The following CHD8 variants were observed in gnomAD, a reference collection of about 807,000 sequenced individuals.
CHD8 encodes the protein ATP-dependent chromatin remodeler CHD8.
A neutral mutation model predicts 279.2 loss-of-function variants in CHD8; 31 were observed. That is an observed-to-expected ratio of 0.11 (90% CI 0.08 to 0.15). CHD8 has a LOEUF of 0.15. Ranked by LOEUF, CHD8 falls within the 10% of genes least tolerant of loss-of-function variation. CHD8 has a pLI of 1.00. For synonymous variants in CHD8, 1,081 were observed against 1,139.6 expected, an observed-to-expected ratio of 0.95 and a Z score of 1.04; for missense variants, 2,146 against 3,230.5, an observed-to-expected ratio of 0.66 and a Z score of 8.14.
At position 21,402,148 on chromosome 14, in the gene CHD8, A is replaced by C; in HGVS notation, c.3883-12T>G. ...GAGAACTGTTGGATCTGTAAAAACCAATAGAAAGATGAAAAGACTATCAAG... is the reference window on the plus strand; with the variant it reads ...GAGAACTGTTGGATCTGTAAAAACCCATAGAAAGATGAAAAGACTATCAAG... On this transcript the variant is annotated splice_polypyrimidine_tract_variant and intron_variant, in intron 19 of 37. Coordinates refer to ENST00000646647, the MANE Select transcript of CHD8 (RefSeq NM_001170629.2). This position sits in a 1 kb window ranked among gnomAD's most constrained non-coding sequence, Gnocchi z 4.5. 6.3e-7 allele frequency: 1 copy of C among 1,582,170 alleles called. No individual in the cohort carries two copies. Among genetic ancestry groups the C allele is most frequent in the Non-Finnish European group, 8.6e-7 (1 of 1,166,612 alleles).
At chr14:21,398,926 T>A in intron 26 of CHD8, 1 of 352,700 alleles carries the variant, frequency 2.8e-6, no homozygotes, top group Non-Finnish European at 5.7e-6. Flanking sequence ...GACATAGAGA[T>A]GCAGATCTCT....
chr14:21,437,438 G>T, intron 1 of CHD8: 1 of 199,882 alleles, frequency 5.0e-6, no homozygotes, highest in Non-Finnish European at 9.8e-6. Flanking sequence ...CCGGTTTCTA[G>T]GGCCGAGGCG....
chr14:21,427,858 G>C lies in CHD8; in HGVS notation c.1601+11C>G, dbSNP rs1270011746. ...CTTGCACGTCCCATCACAGTAGCAA[G>C]GAGTACTCACTTGAGCTTGCTCTTG... is the stretch of plus-strand genomic sequence containing the variant. On this transcript the variant is annotated intron_variant, in intron 4 of 37. Coordinates refer to ENST00000646647, the MANE Select transcript of CHD8 (RefSeq NM_001170629.2). The C allele has an allele frequency of 5.6e-6, 9 of 1,612,714 alleles. No individual in the cohort carries two copies. Among genetic ancestry groups the C allele is most frequent in the Non-Finnish European group, 7.6e-6 (9 of 1,179,284 alleles).
chr14:21,404,920 C>CG, intron 16 of CHD8: 1 of 316,462 alleles, frequency 3.2e-6, no homozygotes, highest in Non-Finnish European at 5.8e-6. Flanking sequence ...CAACCTCTGC[C>CG]TTCTGGGTTC....
rs1434295327 is a variant in CHD8 at position 21,397,811 on chromosome 14, A to G, written c.5051+12T>C. 1.2e-6 allele frequency: 2 copies of G among 1,612,662 alleles called. No homozygotes were observed. Among genetic ancestry groups the G allele is most frequent in the Non-Finnish European group, 1.7e-6 (2 of 1,179,108 alleles). On this transcript the variant is annotated intron_variant, in intron 27 of 37. Transcript: ENST00000646647. ...AAGTTAGAGTTTTAAAAGAACAAAT[A>G]CTAATGCTTACCCTTCTACTATGTC...
In CHD8 at chr14:21,415,568, CCT is replaced by C; in HGVS notation, c.1968+4_1968+5del. On this transcript the variant is annotated splice_donor_5th_base_variant and intron_variant, in intron 7 of 37. Coordinates refer to ENST00000646647, the MANE Select transcript of CHD8 (RefSeq NM_001170629.2). ...AAAAATAATAATAATAATAAAAAGC[CCT>C]CACCTCCTTCTTCACAATCCGCATA... 1 of 1,385,282 alleles carries C rather than the reference CCT, an allele frequency of 7.2e-7. No homozygotes were observed. Among genetic ancestry groups the C allele is most frequent in the Non-Finnish European group, 9.6e-7 (1 of 1,046,198 alleles). 85.8% of individuals were successfully genotyped at this position (1,385,282 alleles called of 1,614,324 possible).
rs1566410582 is a variant in CHD8 at position 21,391,881 on chromosome 14, T to C, written c.6837A>G (p.Gly2279=). 1.2e-6 allele frequency: 2 copies of C among 1,613,816 alleles called. No homozygotes were observed. Among genetic ancestry groups the C allele is most frequent in the Admixed American group, 1.7e-5 (1 of 60,002 alleles). Reference sequence around the variant, plus strand: ...CCTTCTTCTTATGAAACAGTGGATGTCCATCTCCCATTACTCCATTCGCCA... The same window carrying C: ...CCTTCTTCTTATGAAACAGTGGATGCCCATCTCCCATTACTCCATTCGCCA... ...KLMANGVMGD[G]HPLFHKKKGN... Residue 2279 remains glycine (G), a synonymous_variant, in exon 35 of 38, where the codon GGA becomes GGG. Transcript: ENST00000646647.
At position 21,405,820 on chromosome 14, in the gene CHD8, T is replaced by C. The variant is rs1175898061; in HGVS notation, c.2952A>G (p.Val984=). 6.2e-7 allele frequency: 1 copy of C among 1,613,782 alleles called. No homozygotes were observed. The highest frequency in any genetic ancestry group is 1.7e-5 in the Admixed American group (1 of 60,024). Residue 984 remains valine, a synonymous_variant, in exon 15 of 38, where the codon GTA becomes GTG. Coordinates refer to ENST00000646647, the MANE Select transcript of CHD8 (RefSeq NM_001170629.2). This position sits in a 1 kb window ranked among gnomAD's most constrained non-coding sequence, Gnocchi z 4.2. ...LLTGTPLQNT[V]EELFSLLHFL... ...AATGAAGCAAGCTAAACAGTTCTTCTACAGTATTTTGCAATGGTGTTCCTG... is the reference window on the plus strand; with the variant it reads ...AATGAAGCAAGCTAAACAGTTCTTCCACAGTATTTTGCAATGGTGTTCCTG...
rs1555313455 is a variant in CHD8 at position 21,394,277 on chromosome 14, C to T, written c.5599G>A (p.Glu1867Lys). The T allele has an allele frequency of 6.2e-7, 1 of 1,613,930 alleles. No individual in the cohort carries two copies. The highest frequency in any genetic ancestry group is 8.5e-7 in the Non-Finnish European group (1 of 1,179,874). The change falls in exon 31 of 38, where the codon GAA (glutamate) becomes AAA (lysine). Residue 1867 changes from glutamate (E) to lysine (K), a missense_variant and splice_region_variant. Around this residue, in one of 26 missense-constraint regions of CHD8, gnomAD observed 513 missense variants for 637.6 expected, o/e 0.80. Transcript: ENST00000646647. Reference protein sequence around the residue: ...VCRLPPAAGDEPPDPNLFIEP... With the variant: ...VCRLPPAAGDKPPDPNLFIEP... ...TCACCCACTCTGCAATCTTGCTTAC[C>T]ATCTCCAGCTGCTGGGGGAAGGCGG...
intron 21 of CHD8, 118 bp downstream of exon 21, chr14:21,401,285 T>C: frequency 1.3e-6 from 1 of 760,266 alleles, no homozygotes. Flanking sequence ...ACAACAGCCC[T>C]TGTATACAAT....
Position 21,393,658 on chromosome 14 carries a change from G to C in CHD8, c.6137C>G (p.Ser2046Cys), listed in dbSNP as rs368169968. ...AACCAGAGGGGTAGTATCAGAGGGG[G>C]ATACTCGCATCTCATAGTCTTGTGG... ...PTPQDYEMRV[S>C]PSDTTPLVSR... is the part of the protein sequence containing the mutation. Residue 2046 changes from serine to cysteine, a missense_variant, in exon 32 of 38, where the codon TCC (serine) becomes TGC (cysteine). Coordinates refer to ENST00000646647, the MANE Select transcript of CHD8 (RefSeq NM_001170629.2). 5 of 1,613,874 alleles carry C rather than the reference G, an allele frequency of 3.1e-6. No homozygotes were observed. In the South Asian group the frequency reaches 4.4e-5, roughly 14 times the overall value.
chr14:21,391,396 T>C, intron 36 of CHD8, 67 bp downstream of exon 36: 2 of 1,455,070 alleles, frequency 1.4e-6, no homozygotes, highest in Non-Finnish European at 1.9e-6. Context: ...TCATGCTTTC[T>C]CTTTCTCATG....
At position 21,397,858 on chromosome 14, in the gene CHD8, A is replaced by C. The variant is rs561559248; in HGVS notation, c.5016T>G (p.His1672Gln). 4 of 1,613,566 alleles carry C rather than the reference A, an allele frequency of 2.5e-6. No individual in the cohort carries two copies. ...TGTCAGAGAAGTTATCCAACACTCG[A>C]TGTTCTGCTGCAATTGCTTTGTCAT... ...RPDDKAIAAEHRVLDNFSDIV... is the reference protein window; with the variant it reads ...RPDDKAIAAEQRVLDNFSDIV... Residue 1672 changes from histidine (H) to glutamine (Q), a missense_variant, in exon 27 of 38, where the codon CAT becomes CAG. His to Gln is a conservative substitution (Grantham distance 24, BLOSUM62 0). Around this residue, in one of 26 missense-constraint regions of CHD8, gnomAD observed 75 missense variants for 81.3 expected, o/e 0.92. Coordinates refer to ENST00000646647, the MANE Select transcript of CHD8 (RefSeq NM_001170629.2).
At chr14:21,395,693 G>A (rs549392894) in intron 28 of CHD8, 124 bp downstream of exon 28, 2 of 691,144 alleles carry the variant, frequency 2.9e-6, no homozygotes, top group Non-Finnish European at 5.1e-6. Context: ...ATTCTCAAAT[G>A]GTATAATTCA....
rs1474628174 is a variant in CHD8 at position 21,402,691 on chromosome 14, G to A, written c.3715-188C>T. Among the ~76,000 whole-genome samples the A allele has an allele frequency of 6.6e-6, 1 of 152,150 alleles. No homozygotes were observed. The highest frequency in any genetic ancestry group is 1.5e-5 in the Non-Finnish European group (1 of 68,030). ...GTAGACCAGGGGTCAGCAAACTAAA[G>A]TCTGTGTGGACATCTGTTTTTAAAA... On this transcript the variant is annotated intron_variant, in intron 18 of 37. Coordinates refer to ENST00000646647, the MANE Select transcript of CHD8 (RefSeq NM_001170629.2). The surrounding 1 kb of genome is among the most constrained non-coding windows in gnomAD (Gnocchi z 4.5).
At chr14:21,394,587 A>G (rs1887691358) in intron 30 of CHD8, 102 bp from the exon 31 acceptor site, 1 of 747,142 alleles carries the variant, frequency 1.3e-6, no homozygotes, top group Non-Finnish European at 2.1e-6. Flanking sequence ...CTGAAAACAC[A>G]AAAATTGAAA....
chr14:21,424,009 GTAATACCATACA>G (rs1436674141), intron 5 of CHD8, among the ~76,000 whole-genome samples: 1 of 152,028 alleles, frequency 6.6e-6, no homozygotes, highest in Non-Finnish European at 1.5e-5. Flanking sequence ...TTTTTTTGTT[GTAATACCATACA>G]TAATTTTTAT....
rs146971995 is a variant in CHD8, at chr14:21,442,005, T to C, written c.-215-10147A>G. On this transcript the variant is annotated intron_variant, in intron 1 of 37. Transcript: ENST00000646647. ...TGAGCCTAAAAGTCTGGCTTGGAGA[T>C]AGATTTTGAGAGTTATTAGCAACTA... 2.9e-3 allele frequency among the ~76,000 whole-genome samples: 443 copies of C among 152,294 alleles called. 2 individuals carry two copies. The highest frequency in any genetic ancestry group is 0.015 in the South Asian group (72 of 4,830).
chr14:21,431,705 T>C lies in CHD8; in HGVS notation c.-62A>G. On this transcript the variant is annotated 5_prime_UTR_variant, in exon 2 of 38. Transcript: ENST00000646647. ...AGGGAGGGAAGGGGAGGGGGGGTAC[T>C]GGCTCTCCCCTCCCCTCCCCTATTA... 6.3e-7 allele frequency: 1 copy of C among 1,598,856 alleles called. No homozygotes were observed. Among genetic ancestry groups the C allele is most frequent in the South Asian group, 1.1e-5 (1 of 89,758 alleles).
Sources: allele counts gnomAD v4.1 joint callset (sites outside exome capture counted in the v4.1 genomes callset), GRCh38; gene constraint gnomAD v4.1.1; regional missense constraint gnomAD v4.1.1; non-coding constraint Gnocchi (gnomAD v3.1); transcripts MANE v1.5; gene names NCBI Gene and HGNC (gene_info 2026-07-23, HGNC 2026-07-21).